PLA2R1: variants seen among roughly 807,000 people sequenced by gnomAD.
PLA2R1 encodes the protein phospholipase A2 receptor 1, also known as secretory phospholipase A2 receptor.
Under a neutral mutation model 195.9 loss-of-function variants are expected in PLA2R1, and 158 were observed. The observed-to-expected ratio is 0.81, with a 90% CI of 0.71 to 0.92. PLA2R1 has a LOEUF of 0.92. Ranked by LOEUF, PLA2R1 falls within the 40% of genes least tolerant of loss-of-function variation. The pLI is 0.00. For synonymous variants in PLA2R1, 586 were observed against 598.2 expected (o/e 0.98, Z 0.30); for missense variants, 1,626 against 1,764.6 (o/e 0.92, Z 1.41).
At chr2:160,043,138 TC>T (rs1465788336) in intron 2 of PLA2R1, among the ~76,000 whole-genome samples, 5 of 152,026 alleles carry the variant, frequency 3.3e-5, no homozygotes, top group African/African-American at 4.8e-5. Context: ...TAGAGCTGTC[TC>T]CCCGCCATAC....
chr2:159,947,617 A>G, intron 25 of PLA2R1, 58 bp from the exon 26 acceptor site: 1 of 1,448,362 alleles, frequency 6.9e-7, no homozygotes, highest in South Asian at 1.2e-5. Flanking sequence ...TTATTGAGAT[A>G]AATATTACAT....
At chr2:159,967,413 GA>G in intron 20 of PLA2R1, 125 bp downstream of exon 20, 2 of 700,984 alleles carry the variant, frequency 2.9e-6, no homozygotes, top group Non-Finnish European at 4.6e-6. Flanking sequence ...TGAAAGTTGT[GA>G]CAAAAAAATT....
intron 1 of PLA2R1, among the ~76,000 whole-genome samples, chr2:160,050,869 T>C (rs1695171989): frequency 1.3e-5 from 2 of 152,112 alleles, no homozygotes; most frequent in African/African-American, 2.4e-5. Context: ...AGACTGGAGG[T>C]ACCTAGAGGA....
At chr2:160,021,446 C>T (rs1225894295) in intron 7 of PLA2R1, among the ~76,000 whole-genome samples, 1 of 152,150 alleles carries the variant, frequency 6.6e-6, no homozygotes, top group Non-Finnish European at 1.5e-5. Flanking sequence ...CCATGGAATA[C>T]TACTCAGCCA....
intron 6 of PLA2R1, among the ~76,000 whole-genome samples, chr2:160,026,636 A>G (rs1197547619): frequency 6.6e-6 from 1 of 152,146 alleles, no homozygotes; most frequent in Non-Finnish European, 1.5e-5. Context: ...TATTTTATTA[A>G]CCACAACGAG....
intron 11 of PLA2R1, among the ~76,000 whole-genome samples, chr2:159,991,117 A>G (rs1690755177): frequency 6.6e-6 from 1 of 152,232 alleles, no homozygotes. Flanking sequence ...TTCAATAAGC[A>G]GTTGAATAAA....
intron 17 of PLA2R1, among the ~76,000 whole-genome samples, chr2:159,972,839 T>C (rs1207052712): frequency 2.6e-5 from 4 of 152,230 alleles, no homozygotes; most frequent in Non-Finnish European, 4.4e-5. Context: ...TCATGCTTTA[T>C]GGTCTTCTGT....
At chr2:159,974,248 C>T (rs1451204523) in intron 17 of PLA2R1, among the ~76,000 whole-genome samples, 1 of 152,128 alleles carries the variant, frequency 6.6e-6, no homozygotes, top group African/African-American at 2.4e-5. Flanking sequence ...ACAGGCAGCA[C>T]CGTGTAGGGT....
At chr2:159,967,197 GCA>G (rs911918286) in intron 20 of PLA2R1, among the ~76,000 whole-genome samples, 17 of 151,830 alleles carry the variant, frequency 1.1e-4, no homozygotes, top group Admixed American at 3.9e-4. Context: ...ACGCACATGA[GCA>G]CACACACACA....
At chr2:160,005,057 A>G (rs1034483317) in intron 11 of PLA2R1, among the ~76,000 whole-genome samples, 15 of 152,220 alleles carry the variant, frequency 9.9e-5, no homozygotes, top group African/African-American at 3.6e-4. Context: ...GAAAGACATT[A>G]GGAGGGAGAA....
chr2:159,989,070 A>G (rs999884287), intron 11 of PLA2R1, among the ~76,000 whole-genome samples: 1 of 152,174 alleles, frequency 6.6e-6, no homozygotes, highest in Admixed American at 6.5e-5. Flanking sequence ...GTGGTAAAAG[A>G]GGAAACACGC....
Position 160,042,161 on chromosome 2 carries a change from C to G in PLA2R1, c.531G>C (p.Pro177=), listed in dbSNP as rs376449747. The change falls in exon 3 of 30, where the codon CCG becomes CCC. Residue 177 remains proline, a synonymous_variant. Transcript: ENST00000283243. ...HTIKGNTHGM[P]CMFPFQYNHQ... ...GGTTATACTGGAAGGGAAACATACA[C>G]GGCATCCCGTGGGTGTTCCCTTTGA... 14 of 1,613,948 alleles carry G rather than the reference C, an allele frequency of 8.7e-6. No homozygotes were observed. In the East Asian group the frequency reaches 2.9e-4, roughly 33 times the overall value.
At chr2:160,035,742 A>T (rs1180318174) in intron 3 of PLA2R1, among the ~76,000 whole-genome samples, 1 of 152,196 alleles carries the variant, frequency 6.6e-6, no homozygotes, top group Non-Finnish European at 1.5e-5. Context: ...TTTTTAATGA[A>T]GTGAAGTGCA....
intron 20 of PLA2R1, among the ~76,000 whole-genome samples, chr2:159,964,124 T>C (rs1688630468): frequency 6.6e-6 from 1 of 152,176 alleles, no homozygotes; most frequent in Non-Finnish European, 1.5e-5. Context: ...GAAAACATCA[T>C]GCGAATAGGC....
intron 11 of PLA2R1, among the ~76,000 whole-genome samples, chr2:159,995,706 A>G (rs1486757187): frequency 6.6e-6 from 1 of 152,092 alleles, no homozygotes; most frequent in African/African-American, 2.4e-5. Context: ...AAAAAAATCT[A>G]ATTTGTCTTC....
intron 8 of PLA2R1, 86 bp downstream of exon 8, chr2:160,020,020 G>T (rs1400658604): frequency 2.1e-6 from 2 of 943,026 alleles, no homozygotes; most frequent in East Asian, 4.9e-5. Context: ...ACCTGTCTTG[G>T]TCTCTGCCAC....
At chr2:160,023,116 G>A (rs1392618756) in intron 6 of PLA2R1, among the ~76,000 whole-genome samples, 1 of 152,140 alleles carries the variant, frequency 6.6e-6, no homozygotes, top group African/African-American at 2.4e-5. Flanking sequence ...AAGAAGTAAG[G>A]AGAGGAGGGA....
intron 17 of PLA2R1, among the ~76,000 whole-genome samples, chr2:159,971,104 TA>T (rs1689139331): frequency 6.6e-6 from 1 of 151,998 alleles, no homozygotes; most frequent in Non-Finnish European, 1.5e-5. Context: ...AGTATAATAA[TA>T]AAAAAAGGAA....
At chr2:160,045,250 C>T (rs550504603) in intron 1 of PLA2R1, 93 bp from the exon 2 acceptor site, 21 of 937,114 alleles carry the variant, frequency 2.2e-5, no homozygotes, top group African/African-American at 1.8e-4. Flanking sequence ...GTGCGATATG[C>T]GACAGTTGCC....
Sources: allele counts gnomAD v4.1 joint callset (sites outside exome capture counted in the v4.1 genomes callset), GRCh38; gene constraint gnomAD v4.1.1; transcripts MANE v1.5; gene names NCBI Gene and HGNC (gene_info 2026-07-23, HGNC 2026-07-21).